Variants in IFI16 observed in about 807,000 individuals in gnomAD.
IFI16 encodes the protein gamma-interferon-inducible protein 16.
Under a neutral mutation model 68.4 loss-of-function variants are expected in IFI16, and 49 were observed. The ratio of observed to expected loss-of-function variants is 0.72; its 90% CI spans 0.57 to 0.91. The LOEUF (loss-of-function observed/expected upper bound fraction) is 0.91, where lower values mean the gene tolerates loss of function less well. IFI16 is among the 40% of genes least tolerant of loss of function. The pLI is 0.00. For synonymous variants in IFI16, 307 were observed against 315.0 expected (o/e 0.97, Z 0.27); for missense variants, 878 against 942.9 (o/e 0.93, Z 0.90).
intron 7 of IFI16, among the ~76,000 whole-genome samples, chr1:159,034,305 T>C (rs974474605): frequency 2.0e-5 from 3 of 152,198 alleles, no homozygotes; most frequent in African/African-American, 4.8e-5. Context: ...TAATTAAGTA[T>C]ATTCATTGAG....
At chr1:159,036,952 A>G (rs1654360213) in intron 7 of IFI16, among the ~76,000 whole-genome samples, 1 of 151,986 alleles carries the variant, frequency 6.6e-6, no homozygotes, top group African/African-American at 2.4e-5. Context: ...GTCCTGTTTG[A>G]CTGGTAAATT....
chr1:159,053,975 C>G (rs1430449075), intron 11 of IFI16, among the ~76,000 whole-genome samples: 6 of 152,112 alleles, frequency 3.9e-5, no homozygotes, highest in Non-Finnish European at 1.5e-5. Context: ...TTGCTTTTAC[C>G]ACAATGTGGA....
chr1:159,005,340 T>A (rs895767496), upstream of IFI16, among the ~76,000 whole-genome samples: 3 of 152,192 alleles, frequency 2.0e-5, no homozygotes, highest in Non-Finnish European at 4.4e-5. Flanking sequence ...AACCAGAAAC[T>A]TCTTTCACTC....
intron 6 of IFI16, among the ~76,000 whole-genome samples, chr1:159,030,877 G>GGA (rs150056231): frequency 6.4e-3 from 3 of 466 alleles, no homozygotes; most frequent in South Asian, 0.033. Context: ...GGTGGTGGGT[G>GGA]GGGGGGCCAC....
At chr1:159,008,409 C>T (rs1247558590), upstream of IFI16, among the ~76,000 whole-genome samples, 1 of 152,198 alleles carries the variant, frequency 6.6e-6, no homozygotes, top group Non-Finnish European at 1.5e-5. Flanking sequence ...TTCTTTGCTT[C>T]ATCTATGAAA....
At chr1:159,010,525 T>G (rs1652482439) in intron 1 of IFI16, among the ~76,000 whole-genome samples, 1 of 152,116 alleles carries the variant, frequency 6.6e-6, no homozygotes, top group Non-Finnish European at 1.5e-5. Context: ...GTTCTCAAGA[T>G]AGTGACATGA....
In IFI16 at chr1:159,025,115, A is replaced by G. The variant is rs768881124; in HGVS notation, c.1161+4586A>G. 5.3e-4 allele frequency among the ~76,000 whole-genome samples: 81 copies of G among 152,206 alleles called. 1 individual carries two copies. The highest frequency in any genetic ancestry group is 1.1e-3 in the Non-Finnish European group (74 of 68,038). On this transcript the variant is annotated intron_variant, in intron 6 of 11. Transcript: ENST00000295809. ...GACTTTTAGTTCTGAGGGAAAAGAA[A>G]GTGGAAAATAAGCATATAATTTTTG... is the stretch of plus-strand genomic sequence containing the variant.
intron 7 of IFI16, among the ~76,000 whole-genome samples, chr1:159,035,418 G>A (rs189765057): frequency 6.6e-6 from 1 of 152,288 alleles, no homozygotes; most frequent in African/African-American, 2.4e-5. Flanking sequence ...AAAGGATTAT[G>A]TGAGAATTTC....
At chr1:159,036,134 G>A (rs1772407) in intron 7 of IFI16, among the ~76,000 whole-genome samples, 115,331 of 152,110 alleles carry the variant, frequency 0.76, 45,541 homozygotes, top group Admixed American at 0.87. Flanking sequence ...TAACAACAGT[G>A]ACATAAATCG....
intron 6 of IFI16, among the ~76,000 whole-genome samples, chr1:159,022,025 G>A (rs569594935): frequency 3.2e-5 from 4 of 125,322 alleles, no homozygotes; most frequent in Admixed American, 1.1e-4. Context: ...GTGCAGTGGC[G>A]CTATCTCGGC....
At chr1:159,013,888 G>A (rs908382714) in intron 1 of IFI16, among the ~76,000 whole-genome samples, 1 of 152,176 alleles carries the variant, frequency 6.6e-6, no homozygotes, top group African/African-American at 2.4e-5. Context: ...GAATTTTGGG[G>A]AAGAAAAAGG....
At chr1:159,025,529 T>A (rs1557869708) in intron 6 of IFI16, among the ~76,000 whole-genome samples, 1 of 152,220 alleles carries the variant, frequency 6.6e-6, no homozygotes, top group Non-Finnish European at 1.5e-5. Flanking sequence ...TTATATTTGT[T>A]TTTTTCTTGA....
chr1:159,035,045 A>G (rs1359851831), intron 7 of IFI16, among the ~76,000 whole-genome samples: 1 of 152,174 alleles, frequency 6.6e-6, no homozygotes, highest in African/African-American at 2.4e-5. Flanking sequence ...ATTATTTTTT[A>G]CAGTTGCTTC....
chr1:159,000,275 C>G (rs1055597521), exon 1 of IFI16: 13 of 254,814 alleles, frequency 5.1e-5, no homozygotes, highest in African/African-American at 2.9e-4. Flanking sequence ...GTTATCCAGG[C>G]TGGTTAGCAA....
chr1:159,029,375 T>A (rs987578697), intron 6 of IFI16, among the ~76,000 whole-genome samples: 9 of 152,148 alleles, frequency 5.9e-5, no homozygotes, highest in Non-Finnish European at 1.2e-4. Context: ...ATCTGATAGG[T>A]TCCTTTATAA....
intron 6 of IFI16, among the ~76,000 whole-genome samples, chr1:159,025,266 C>G (rs940945211): frequency 6.6e-6 from 1 of 152,054 alleles, no homozygotes; most frequent in East Asian, 1.9e-4. Flanking sequence ...CCTTCACCAC[C>G]CCCGCGTGCT....
chr1:159,040,091 T>C (rs922636693), intron 7 of IFI16, among the ~76,000 whole-genome samples: 2 of 152,130 alleles, frequency 1.3e-5, no homozygotes, highest in South Asian at 2.1e-4. Flanking sequence ...CAGCATCATG[T>C]GAACTGGAAA....
chr1:159,014,375 C>T (rs961495171), intron 1 of IFI16, among the ~76,000 whole-genome samples: 4 of 151,888 alleles, frequency 2.6e-5, no homozygotes, highest in Non-Finnish European at 4.4e-5. Flanking sequence ...TTTGACACTG[C>T]AGAGCTCATA....
chr1:159,046,229 CCCTCAGAGTAGCTTTATAA>C (rs1654977597), intron 8 of IFI16, among the ~76,000 whole-genome samples: 10 of 151,190 alleles, frequency 6.6e-5, no homozygotes, highest in East Asian at 5.8e-4. Context: ...TCTTTCATTA[CCCTCAGAGTAGCTTTATAA>C]TTATTTCCTT....
Sources: gnomAD v4.1 joint callset for allele counts (sites outside exome capture counted in the v4.1 genomes callset) on GRCh38, gnomAD v4.1.1 for gene constraint, MANE v1.5 for transcripts, NCBI Gene and HGNC (gene_info 2026-07-23, HGNC 2026-07-21) for gene names.